Variants in GABBR2 observed in about 807,000 individuals in gnomAD.
GABBR2 encodes gamma-aminobutyric acid type B receptor subunit 2.
In GABBR2, 23 loss-of-function variants were observed where a neutral mutation model predicts 105.6. That is an observed-to-expected ratio of 0.22 (90% CI 0.16 to 0.31). The LOEUF (loss-of-function observed/expected upper bound fraction) is 0.31. GABBR2 is among the 10% of genes least tolerant of loss of function. The pLI, the probability that GABBR2 is intolerant of heterozygous loss-of-function variation, is 1.00. For missense variants in GABBR2, 734 were observed against 1,245.5 expected (o/e 0.59, Z 6.18); for synonymous variants, 478 against 499.7 (o/e 0.96, Z 0.58).
Position 98,290,596 on chromosome 9 carries a change from G to A in GABBR2, c.2814C>T (p.Val938=), listed in dbSNP as rs1830287933. Residue 938 remains valine (V), a synonymous_variant, in exon 19 of 19, where the codon GTC becomes GTT. Transcript: ENST00000259455. ...RHVPPSFRVM[V]SGL ...AGGCCTCCCACCCTTACAGGCCCGAGACCATGACTCGGAAGGAGGGTGGCA... is the reference window on the plus strand; with the variant it reads ...AGGCCTCCCACCCTTACAGGCCCGAAACCATGACTCGGAAGGAGGGTGGCA... 7.1e-7 allele frequency: 1 copy of A among 1,404,790 alleles called. No homozygotes were observed. Among genetic ancestry groups the A allele is most frequent in the Non-Finnish European group, 9.3e-7 (1 of 1,079,074 alleles). The allele number at this position is 1,404,790 out of a possible 1,614,324, so 87.0% of individuals were successfully genotyped here.
At chr9:98,403,666 T>C (rs1214400403) in intron 8 of GABBR2, among the ~76,000 whole-genome samples, 3 of 152,032 alleles carry the variant, frequency 2.0e-5, no homozygotes, top group Non-Finnish European at 4.4e-5. Flanking sequence ...GTTTCAGCAC[T>C]TCAGGGAAAC....
chr9:98,511,963 A>C (rs1233703542), intron 3 of GABBR2, among the ~76,000 whole-genome samples: 2 of 152,228 alleles, frequency 1.3e-5, no homozygotes. Context: ...AAAAAAGAGA[A>C]TTTTAGACCA....
Position 98,677,296 on chromosome 9 carries a change from C to T in GABBR2, c.321+31121G>A, listed in dbSNP as rs137893434. Among the ~76,000 whole-genome samples the T allele has an allele frequency of 1.0e-2, 1,521 of 152,320 alleles. 14 individuals are homozygous for T. The highest frequency in any genetic ancestry group is 0.013 in the Non-Finnish European group (893 of 68,032). ...GGCAAACTGCACACTGGCCAGCCCC[C>T]AGACAGCTGAAGGCTTGATCCAGAC... is the stretch of plus-strand genomic sequence containing the variant. On this transcript the variant is annotated intron_variant, in intron 1 of 18. Coordinates refer to ENST00000259455, the MANE Select transcript of GABBR2 (RefSeq NM_005458.8).
At chr9:98,413,570 T>G (rs187368064) in intron 7 of GABBR2, among the ~76,000 whole-genome samples, 3 of 152,230 alleles carry the variant, frequency 2.0e-5, no homozygotes, top group African/African-American at 7.2e-5. Flanking sequence ...GAATGTTTGA[T>G]GCACTCATAG....
At chr9:98,602,124 C>A (rs991051393) in intron 1 of GABBR2, among the ~76,000 whole-genome samples, 1 of 151,980 alleles carries the variant, frequency 6.6e-6, no homozygotes, top group Non-Finnish European at 1.5e-5. Context: ...CCTCAGCCTC[C>A]TGAGTAGCTG....
intron 2 of GABBR2, among the ~76,000 whole-genome samples, chr9:98,560,782 GTA>G (rs35347663): frequency 9.6e-5 from 14 of 145,334 alleles, no homozygotes; most frequent in South Asian, 2.2e-4. Context: ...ATATAGTAGT[GTA>G]TATATATATA....
intron 7 of GABBR2, among the ~76,000 whole-genome samples, chr9:98,407,937 C>T (rs1832518816): frequency 6.6e-6 from 1 of 152,100 alleles, no homozygotes; most frequent in African/African-American, 2.4e-5. Flanking sequence ...TTGATTTCTC[C>T]TTAATTTCTC....
intron 1 of GABBR2, among the ~76,000 whole-genome samples, chr9:98,695,634 G>A (rs1830739996): frequency 6.6e-6 from 1 of 152,184 alleles, no homozygotes; most frequent in Non-Finnish European, 1.5e-5. Flanking sequence ...AATGATAACA[G>A]TAAAACTTAG....
intron 12 of GABBR2, among the ~76,000 whole-genome samples, chr9:98,369,969 G>T (rs1277057704): frequency 6.6e-6 from 1 of 152,118 alleles, no homozygotes. Context: ...TCACTGGGTG[G>T]CTTGATAGGA....
At chr9:98,510,384 A>G (rs28881208) in intron 3 of GABBR2, among the ~76,000 whole-genome samples, 52,660 of 152,096 alleles carry the variant, frequency 0.35, 9,372 homozygotes, top group Middle Eastern at 0.5. Context: ...ATAAACAACT[A>G]ACATCATAAT....
intron 1 of GABBR2, chr9:98,607,132 A>G: frequency 9.3e-6 from 15 of 1,609,802 alleles, no homozygotes; most frequent in Non-Finnish European, 1.3e-5. Context: ...TTTTAATCAA[A>G]GAAGGTGGTG....
At chr9:98,463,577 C>T (rs1826464877) in intron 6 of GABBR2, among the ~76,000 whole-genome samples, 1 of 152,112 alleles carries the variant, frequency 6.6e-6, no homozygotes, top group African/African-American at 2.4e-5. Context: ...ACAGAGCTCT[C>T]CCTCTCCCTC....
In GABBR2 at chr9:98,315,209, G is replaced by A. The variant is rs116706955; in HGVS notation, c.1894-4004C>T. On this transcript the variant is annotated intron_variant, in intron 13 of 18. Coordinates refer to ENST00000259455, the MANE Select transcript of GABBR2 (RefSeq NM_005458.8). ...TCCGCACCCATCTCAGCAGCCTTAA[G>A]CACAGTCCTGGCAGGAGGGTAGCAA... is the stretch of plus-strand genomic sequence containing the variant. 6.4e-3 allele frequency among the ~76,000 whole-genome samples: 980 copies of A among 152,240 alleles called. 9 individuals carry two copies. The highest frequency in any genetic ancestry group is 0.019 in the African/African-American group (803 of 41,518).
intron 11 of GABBR2, among the ~76,000 whole-genome samples, chr9:98,384,278 T>G (rs1204329127): frequency 6.6e-6 from 1 of 152,196 alleles, no homozygotes; most frequent in African/African-American, 2.4e-5. Context: ...CATGATATTT[T>G]CAACTGAGAG....
In GABBR2 at chr9:98,695,748, G is replaced by A. The variant is rs546932475; in HGVS notation, c.321+12669C>T. Among the ~76,000 whole-genome samples the A allele has an allele frequency of 3.3e-5, 5 of 152,230 alleles. No individual in the cohort carries two copies. The East Asian group carries it at 7.7e-4, about 23-fold the overall frequency. On this transcript the variant is annotated intron_variant, in intron 1 of 18. Coordinates refer to ENST00000259455, the MANE Select transcript of GABBR2 (RefSeq NM_005458.8). ...TCACAGAGTATCATCCCCATCTCAC[G>A]GACAAGGACTCTGGGGCTCAGGGGA...
chr9:98,648,103 GTGTGTGTGTGTGT>G (rs1404354736), intron 1 of GABBR2, among the ~76,000 whole-genome samples: 1 of 84,750 alleles, frequency 1.2e-5, no homozygotes, highest in Middle Eastern at 5.1e-3. Flanking sequence ...GTGTGTGTGT[GTGTGTGTGTGTGT>G]ATAGATAGAT....
At chr9:98,588,896 C>A (rs988266745) in intron 1 of GABBR2, among the ~76,000 whole-genome samples, 12 of 152,166 alleles carry the variant, frequency 7.9e-5, no homozygotes, top group African/African-American at 2.9e-4. Context: ...ATGCAAGGAC[C>A]TGAAACAGGA....
At chr9:98,691,737 C>T (rs1297213195) in intron 1 of GABBR2, among the ~76,000 whole-genome samples, 3 of 152,240 alleles carry the variant, frequency 2.0e-5, no homozygotes, top group Non-Finnish European at 4.4e-5. Flanking sequence ...ACCTTCCAAG[C>T]TTTGCTTGCA....
At chr9:98,437,514 C>T (rs1373081608) in intron 7 of GABBR2, among the ~76,000 whole-genome samples, 2 of 151,064 alleles carry the variant, frequency 1.3e-5, no homozygotes, top group African/African-American at 4.9e-5. Context: ...CATCCATACA[C>T]ACATCCACTC....
Sources: allele counts gnomAD v4.1 joint callset (sites outside exome capture counted in the v4.1 genomes callset), GRCh38; gene constraint gnomAD v4.1.1; transcripts MANE v1.5; gene names NCBI Gene and HGNC (gene_info 2026-07-23, HGNC 2026-07-21).